The following FMNL2 variants were observed in gnomAD, a reference collection of about 807,000 sequenced individuals.
FMNL2 encodes the protein formin-like protein 2.
A neutral mutation model predicts 130.2 loss-of-function variants in FMNL2; 51 were observed. That is an observed-to-expected ratio of 0.39 (90% CI 0.31 to 0.49). The LOEUF (loss-of-function observed/expected upper bound fraction) is 0.49, where lower values mean the gene tolerates loss of function less well. Among genes scored for constraint, FMNL2 ranks in the 20% least tolerant of loss-of-function variants. The pLI is 0.85. For missense variants in FMNL2, 977 were observed against 1,316.2 expected, an observed-to-expected ratio of 0.74 and a Z score of 3.99; for synonymous variants, 465 against 467.1, an observed-to-expected ratio of 1.00 and a Z score of 0.06.
At chr2:152,631,077 G>T (rs1682125620) in intron 20 of FMNL2, among the ~76,000 whole-genome samples, 1 of 152,052 alleles carries the variant, frequency 6.6e-6, no homozygotes, top group South Asian at 2.1e-4. Flanking sequence ...CACAGTGAGA[G>T]ATTCACAATA....
At chr2:152,498,880 C>T (rs1215296793) in intron 1 of FMNL2, among the ~76,000 whole-genome samples, 14 of 152,148 alleles carry the variant, frequency 9.2e-5, no homozygotes, top group Admixed American at 9.2e-4. Context: ...GCAAATGGTT[C>T]CTACTTCAGA....
At chr2:152,627,901 T>A (rs1035997149) in intron 17 of FMNL2, among the ~76,000 whole-genome samples, 8 of 152,214 alleles carry the variant, frequency 5.3e-5, no homozygotes, top group Non-Finnish European at 1.2e-4. Flanking sequence ...ACAGTGTTAA[T>A]CTCCTGAATT....
chr2:152,611,639 A>G (rs1698688610), intron 11 of FMNL2, 34 bp downstream of exon 11: 1 of 1,369,564 alleles, frequency 7.3e-7, no homozygotes. Flanking sequence ...CTCCAATATA[A>G]GAATTGACTT....
chr2:152,639,791 C>T (rs1012610634), intron 23 of FMNL2, among the ~76,000 whole-genome samples, 167 bp from the exon 24 acceptor site: 3 of 152,022 alleles, frequency 2.0e-5, no homozygotes, highest in Admixed American at 1.3e-4. Flanking sequence ...TGACAGGTAG[C>T]GAAGCCCAGA....
At chr2:152,578,002 A>T (rs887943873) in intron 7 of FMNL2, among the ~76,000 whole-genome samples, 2 of 152,110 alleles carry the variant, frequency 1.3e-5, no homozygotes, top group Non-Finnish European at 2.9e-5. Flanking sequence ...AGGGAAAAAT[A>T]AGGGGGAAGG....
intron 21 of FMNL2, among the ~76,000 whole-genome samples, chr2:152,633,347 C>G (rs1682312676): frequency 6.6e-6 from 1 of 152,202 alleles, no homozygotes; most frequent in African/African-American, 2.4e-5. Flanking sequence ...CCTCTCGCCT[C>G]AGCCTCCTAA....
intron 1 of FMNL2, among the ~76,000 whole-genome samples, chr2:152,437,915 G>A (rs1227951874): frequency 6.6e-6 from 1 of 152,194 alleles, no homozygotes; most frequent in African/African-American, 2.4e-5. Context: ...GTTGTAAAAG[G>A]CATTAGAATC....
At chr2:152,412,444 TTTTATATATATATATATATATATATATA>T (rs1243493626) in intron 1 of FMNL2, among the ~76,000 whole-genome samples, 31 of 103,366 alleles carry the variant, frequency 3.0e-4, no homozygotes, top group South Asian at 1.1e-3. Flanking sequence ...CTTCTGTATA[TTTTATATATATATATATATATATATATA>T]TATATATATA....
At chr2:152,392,791 G>A (rs1277384889) in intron 1 of FMNL2, among the ~76,000 whole-genome samples, 1 of 152,148 alleles carries the variant, frequency 6.6e-6, no homozygotes, top group Non-Finnish European at 1.5e-5. Flanking sequence ...TTTGGGAGTG[G>A]GCAGTGGTGC....
chr2:152,375,127 T>TA (rs1684083375), intron 1 of FMNL2, among the ~76,000 whole-genome samples: 1 of 152,272 alleles, frequency 6.6e-6, no homozygotes, highest in African/African-American at 2.4e-5. Flanking sequence ...GTTAAAGCCT[T>TA]AGAGGATTGA....
intron 1 of FMNL2, among the ~76,000 whole-genome samples, chr2:152,461,943 G>A (rs376341064): frequency 1.6e-4 from 25 of 151,586 alleles, no homozygotes; most frequent in African/African-American, 5.8e-4. Context: ...GTTGCCCAGC[G>A]TGGAGTGTGA....
intron 13 of FMNL2, among the ~76,000 whole-genome samples, chr2:152,618,347 C>T (rs562660913): frequency 2.6e-5 from 4 of 152,186 alleles, no homozygotes; most frequent in Non-Finnish European, 5.9e-5. Context: ...GAAAGCCATT[C>T]AGAAACAGTC....
At chr2:152,641,456 C>T (rs1683076495) in intron 25 of FMNL2, among the ~76,000 whole-genome samples, 1 of 152,214 alleles carries the variant, frequency 6.6e-6, no homozygotes, top group South Asian at 2.1e-4. Flanking sequence ...CTCCTCGAAC[C>T]AATTCTCCCA....
At chr2:152,594,981 G>T (rs908915283) in intron 9 of FMNL2, among the ~76,000 whole-genome samples, 3 of 152,046 alleles carry the variant, frequency 2.0e-5, no homozygotes, top group South Asian at 4.2e-4. Flanking sequence ...GATGTTCCCC[G>T]CAAACTCTGC....
At chr2:152,530,116 G>T (rs867455506) in intron 2 of FMNL2, among the ~76,000 whole-genome samples, 1 of 152,146 alleles carries the variant, frequency 6.6e-6, no homozygotes, top group Non-Finnish European at 1.5e-5. Context: ...CTTAGACTAC[G>T]TGGTTGTCTT....
rs1379253332 is a variant in FMNL2 at position 152,426,922 on chromosome 2, A to T, written c.117+91202A>T. ...TAAGCACAACTCATCCATCTAAAGA[A>T]ATACATAAAAAATCAAGCATTTGTG... On this transcript the variant is annotated intron_variant, in intron 1 of 25. Coordinates refer to ENST00000288670, the MANE Select transcript of FMNL2 (RefSeq NM_052905.4). Among the ~76,000 whole-genome samples the T allele has an allele frequency of 6.7e-5, 10 of 149,448 alleles. 1 individual carries two copies. Among genetic ancestry groups the T allele is most frequent in the South Asian group, 4.5e-4 (2 of 4,456 alleles).
intron 1 of FMNL2, among the ~76,000 whole-genome samples, chr2:152,415,872 A>G (rs1299983129): frequency 2.0e-5 from 3 of 152,240 alleles, no homozygotes; most frequent in Non-Finnish European, 4.4e-5. Context: ...TATTTACCAT[A>G]GCTGCTTCTG....
Position 152,389,604 on chromosome 2 carries a change from G to A in FMNL2, c.117+53884G>A, listed in dbSNP as rs535876266. Reference sequence around the variant, plus strand: ...GATTTAGACTAGAGTTGTTGGGCCCGGCGTGACCCGAAGTAGTGGAGAGAG... The same window carrying A: ...GATTTAGACTAGAGTTGTTGGGCCCAGCGTGACCCGAAGTAGTGGAGAGAG... On this transcript the variant is annotated intron_variant, in intron 1 of 25. Transcript: ENST00000288670. 2.0e-5 allele frequency among the ~76,000 whole-genome samples: 3 copies of A among 152,262 alleles called. No homozygotes were observed. The South Asian group carries it at 6.2e-4, about 32-fold the overall frequency.
chr2:152,335,741 G>T (rs762448833), intron 1 of FMNL2, 21 bp downstream of exon 1: 1 of 1,545,514 alleles, frequency 6.5e-7, no homozygotes, highest in Non-Finnish European at 8.7e-7. Flanking sequence ...GGCGGCGGTC[G>T]GGCGCGGGGA....
Sources: gnomAD v4.1 joint callset for allele counts (sites outside exome capture counted in the v4.1 genomes callset) on GRCh38, gnomAD v4.1.1 for gene constraint, MANE v1.5 for transcripts, NCBI Gene and HGNC (gene_info 2026-07-23, HGNC 2026-07-21) for gene names.